Variants in MDGA2 observed in about 807,000 individuals in gnomAD.
MDGA2 encodes MAM domain containing glycosylphosphatidylinositol anchor 2.
A neutral mutation model predicts 117.8 loss-of-function variants in MDGA2; 40 were observed. The ratio of observed to expected loss-of-function variants is 0.34; its 90% CI spans 0.26 to 0.44. The LOEUF (loss-of-function observed/expected upper bound fraction) is 0.44. Among genes scored for constraint, MDGA2 ranks in the 20% least tolerant of loss-of-function variants. MDGA2 has a pLI of 1.00. For synonymous variants in MDGA2, 452 were observed against 439.0 expected (o/e 1.03, Z -0.37); for missense variants, 1,123 against 1,250.6 (o/e 0.90, Z 1.54).
At chr14:46,978,682 C>A (rs182236969) in intron 8 of MDGA2, among the ~76,000 whole-genome samples, 1 of 152,074 alleles carries the variant, frequency 6.6e-6, no homozygotes, top group East Asian at 1.9e-4. Flanking sequence ...GTTATCATTG[C>A]CTCTGCCAAG....
At chr14:47,524,091 T>A (rs1894924090) in intron 1 of MDGA2, among the ~76,000 whole-genome samples, 1 of 152,276 alleles carries the variant, frequency 6.6e-6, no homozygotes, top group Admixed American at 6.5e-5. Context: ...TTCTACTAGA[T>A]GATAGTTTTT....
At chr14:46,873,667 T>C in intron 13 of MDGA2, 76 bp from the exon 14 acceptor site, 1 of 1,330,410 alleles carries the variant, frequency 7.5e-7, no homozygotes, top group Non-Finnish European at 1.0e-6. Flanking sequence ...TGAGAAGTCT[T>C]ATAGTTTTCA....
At chr14:47,249,751 G>T (rs1424353262) in intron 2 of MDGA2, among the ~76,000 whole-genome samples, 1 of 152,096 alleles carries the variant, frequency 6.6e-6, no homozygotes, top group Non-Finnish European at 1.5e-5. Flanking sequence ...TCTGTAAACA[G>T]TACAGGAATA....
intron 2 of MDGA2, among the ~76,000 whole-genome samples, chr14:47,258,208 T>A (rs1007140461): frequency 6.6e-6 from 1 of 152,134 alleles, no homozygotes; most frequent in Non-Finnish European, 1.5e-5. Context: ...CATGGTATAT[T>A]AGACTGTCCT....
At position 47,155,888 on chromosome 14, in the gene MDGA2, CTTTTTTTTTTTTTTTTTTTTT is replaced by C. The variant is rs55827732; in HGVS notation, c.596-11635_596-11615del. Among the ~76,000 whole-genome samples the C allele has an allele frequency of 3.6e-3, 143 of 40,150 alleles. 1 individual carries two copies. Among genetic ancestry groups the C allele is most frequent in the African/African-American group, 5.9e-3 (52 of 8,770 alleles). The allele number at this position is 40,150 out of a possible 152,430, so 26.3% of individuals were successfully genotyped here. A position where few individuals can be genotyped will look rare whatever the true frequency, so the allele number is the denominator to read the frequency against. On this transcript the variant is annotated intron_variant, in intron 3 of 16. Transcript: ENST00000399232. Reference sequence around the variant, plus strand: ...ATTCTTTTCTTTTCTTCTTCTTCTTCTTTTTTTTTTTTTTTTTTTTTTTTTTTTTTTTTTTTTTTTTTTGAG... The same window carrying C: ...ATTCTTTTCTTTTCTTCTTCTTCTTCTTTTTTTTTTTTTTTTTTTTTTGAG...
chr14:47,009,781 A>C (rs1887833469), intron 8 of MDGA2, among the ~76,000 whole-genome samples: 1 of 151,858 alleles, frequency 6.6e-6, no homozygotes. Flanking sequence ...CAGCAGCAGG[A>C]AGAGACAGAC....
intron 1 of MDGA2, among the ~76,000 whole-genome samples, chr14:47,420,387 C>G (rs1024931150): frequency 6.6e-6 from 1 of 152,100 alleles, no homozygotes; most frequent in African/African-American, 2.4e-5. Flanking sequence ...ACAGCAGTAT[C>G]TGTTGTAATT....
intron 10 of MDGA2, among the ~76,000 whole-genome samples, chr14:46,919,187 C>A (rs1437012433): frequency 6.6e-6 from 1 of 152,152 alleles, no homozygotes; most frequent in Non-Finnish European, 1.5e-5. Flanking sequence ...AAATTTTATT[C>A]TCTCTACCAT....
intron 10 of MDGA2, among the ~76,000 whole-genome samples, chr14:46,902,401 G>C (rs1448242364): frequency 6.6e-6 from 1 of 152,016 alleles, no homozygotes; most frequent in African/African-American, 2.4e-5. Context: ...TCACTACAGG[G>C]AAGAATTATA....
At chr14:47,267,929 A>G (rs1427692603) in intron 2 of MDGA2, among the ~76,000 whole-genome samples, 5 of 152,334 alleles carry the variant, frequency 3.3e-5, no homozygotes, top group Non-Finnish European at 7.3e-5. Context: ...ATTAACAAAC[A>G]TTTATTGGTA....
chr14:47,655,978 A>G (rs889567474), intron 1 of MDGA2, among the ~76,000 whole-genome samples: 5 of 152,164 alleles, frequency 3.3e-5, no homozygotes, highest in South Asian at 2.1e-4. Flanking sequence ...AAAAATCACA[A>G]TGTTAGCCAC....
At position 47,131,820 on chromosome 14, in the gene MDGA2, C is replaced by T; in HGVS notation, c.819G>A (p.Lys273=). Reference sequence around the variant, plus strand: ...TAGCATAGTCCTGAGGTCGAAGATTCTTTAGTTTTAAGATCTTTGTTTCAC... The same window carrying T: ...TAGCATAGTCCTGAGGTCGAAGATTTTTTAGTTTTAAGATCTTTGTTTCAC... ...TQGETKILKL[K]NLRPQDYANY... The change falls in exon 5 of 17, where the codon AAG becomes AAA. Residue 273 remains lysine (K), a synonymous_variant. Coordinates refer to ENST00000399232, the MANE Select transcript of MDGA2 (RefSeq NM_001113498.3). 6.3e-7 allele frequency: 1 copy of T among 1,587,546 alleles called. No individual in the cohort carries two copies. Among genetic ancestry groups the T allele is most frequent in the Non-Finnish European group, 8.6e-7 (1 of 1,160,512 alleles).
chr14:47,485,053 A>G (rs2416086), intron 1 of MDGA2, among the ~76,000 whole-genome samples: 114,516 of 152,000 alleles, frequency 0.75, 43,565 homozygotes, highest in East Asian at 1. Flanking sequence ...AAATGTGAAA[A>G]TGACTTTGGA....
chr14:47,205,199 TA>T (rs1885641881), intron 3 of MDGA2, among the ~76,000 whole-genome samples: 1 of 151,950 alleles, frequency 6.6e-6, no homozygotes, highest in Non-Finnish European at 1.5e-5. Flanking sequence ...GTCAGAAAAA[TA>T]TCTCCCTCTC....
intron 5 of MDGA2, among the ~76,000 whole-genome samples, chr14:47,129,645 TAGATCCCGGA>T: frequency 6.6e-6 from 1 of 150,776 alleles, no homozygotes; most frequent in African/African-American, 2.5e-5. Flanking sequence ...TTTCTAGTTC[TAGATCCCGGA>T]GGAATCGCCA....
At chr14:47,028,481 C>T (rs1376894420) in intron 8 of MDGA2, among the ~76,000 whole-genome samples, 2 of 151,986 alleles carry the variant, frequency 1.3e-5, no homozygotes, top group Non-Finnish European at 2.9e-5. Context: ...TGAAACAAAA[C>T]CTAGTGATTT....
chr14:47,020,948 T>C (rs1455768933), intron 8 of MDGA2, among the ~76,000 whole-genome samples: 2 of 152,150 alleles, frequency 1.3e-5, no homozygotes, highest in African/African-American at 4.8e-5. Flanking sequence ...AATTTTTAAA[T>C]TAGGCATTTG....
At chr14:47,518,154 C>A (rs1894793593) in intron 1 of MDGA2, among the ~76,000 whole-genome samples, 2 of 152,182 alleles carry the variant, frequency 1.3e-5, no homozygotes, top group South Asian at 4.1e-4. Context: ...AATTCTTTCA[C>A]AGCAACTGAC....
At chr14:47,358,635 T>C (rs1027801055) in intron 1 of MDGA2, among the ~76,000 whole-genome samples, 40 of 152,048 alleles carry the variant, frequency 2.6e-4, no homozygotes, top group Admixed American at 1.7e-3. Flanking sequence ...AAAATCAACA[T>C]ACAAAAATCA....
Sources: allele counts gnomAD v4.1 joint callset (sites outside exome capture counted in the v4.1 genomes callset), GRCh38; gene constraint gnomAD v4.1.1; transcripts MANE v1.5; gene names NCBI Gene and HGNC (gene_info 2026-07-23, HGNC 2026-07-21).